Variants in PBRM1 observed in about 807,000 individuals in gnomAD.
The protein encoded by PBRM1 is polybromo 1.
In PBRM1, 27 loss-of-function variants were observed where a neutral mutation model predicts 194.5. The ratio of observed to expected loss-of-function variants is 0.14; its 90% CI spans 0.10 to 0.19. PBRM1 has a LOEUF of 0.19. Ranked by LOEUF, PBRM1 falls within the 10% of genes least tolerant of loss-of-function variation. The pLI is 1.00. For missense variants in PBRM1, 1,466 were observed against 2,077.2 expected (o/e 0.71, Z 5.72); for synonymous variants, 655 against 693.2 (o/e 0.94, Z 0.87).
chr3:52,670,335 A>G (rs2096921480), intron 2 of PBRM1, among the ~76,000 whole-genome samples: 2 of 152,228 alleles, frequency 1.3e-5, no homozygotes, highest in Non-Finnish European at 2.9e-5. Context: ...TAACAGTACT[A>G]ATTTTTTCTG....
At position 52,579,137 on chromosome 3, in the gene PBRM1, C is replaced by T. The variant is rs1308969843; in HGVS notation, c.3450G>A (p.Gln1150=). ...TCAGCCACATGTCATTGTAATGGAG[C>T]TGCTCAAAGTAGTGGCAACCTGGTT... The change falls in exon 21 of 30, where the codon CAG becomes CAA. Residue 1150 remains glutamine, a synonymous_variant. Coordinates refer to ENST00000296302, the Ensembl canonical transcript of PBRM1. 10 of 1,613,906 alleles carry T rather than the reference C, an allele frequency of 6.2e-6. No homozygotes were observed. In the South Asian group the frequency reaches 1.1e-4, roughly 18 times the overall value.
chr3:52,570,256 C>T (rs972266659), intron 22 of PBRM1, among the ~76,000 whole-genome samples: 1 of 152,212 alleles, frequency 6.6e-6, no homozygotes, highest in African/African-American at 2.4e-5. Flanking sequence ...GAATTACAGG[C>T]ATGAGCCATC....
chr3:52,629,803 C>T (rs1239090546), intron 11 of PBRM1, among the ~76,000 whole-genome samples: 2 of 152,156 alleles, frequency 1.3e-5, no homozygotes, highest in Non-Finnish European at 2.9e-5. Flanking sequence ...AGCATTTGCA[C>T]GTTAACCATC....
intron 2 of PBRM1, among the ~76,000 whole-genome samples, chr3:52,675,277 A>AC (rs1472747995): frequency 2.0e-5 from 3 of 152,224 alleles, no homozygotes; most frequent in African/African-American, 7.2e-5. Flanking sequence ...GATGAATTCT[A>AC]ACCAGACATT....
exon 26 of PBRM1, chr3:52,558,303 C>A: frequency 1.9e-6 from 3 of 1,549,704 alleles, no homozygotes; most frequent in Non-Finnish European, 2.6e-6. Context: ...GGTGGTGGCA[C>A]CACCCCCATG....
intron 22 of PBRM1, 59 bp from the exon 25 acceptor site, chr3:52,564,292 G>A: frequency 8.3e-7 from 1 of 1,210,998 alleles, no homozygotes; most frequent in Non-Finnish European, 1.2e-6. Context: ...GTTACTAACT[G>A]TTTTAACATT....
intron 20 of PBRM1, among the ~76,000 whole-genome samples, chr3:52,583,158 C>T (rs2091708681): frequency 6.9e-6 from 1 of 145,336 alleles, no homozygotes; most frequent in African/African-American, 2.6e-5. Context: ...ACCTGTAATA[C>T]TAGCACTTTG....
chr3:52,589,103 C>T (rs375687372), exon 18 of PBRM1: 529 of 1,613,592 alleles, frequency 3.3e-4, no homozygotes, highest in Non-Finnish European at 4.2e-4. Flanking sequence ...TCAATACAGA[C>T]GATATGTGGT....
chr3:52,595,670 C>G (rs1425836386), intron 17 of PBRM1, among the ~76,000 whole-genome samples: 2 of 152,110 alleles, frequency 1.3e-5, no homozygotes, highest in Non-Finnish European at 1.5e-5. Context: ...GGCTTTTTAA[C>G]TTGATGTAAT....
intron 20 of PBRM1, 63 bp downstream of exon 22, chr3:52,586,362 T>G: frequency 7.3e-7 from 1 of 1,371,856 alleles, no homozygotes; most frequent in Non-Finnish European, 1.0e-6. Flanking sequence ...CTTTATTCAT[T>G]TATTTTCTGG....
chr3:52,679,836 G>T, upstream of PBRM1: 3 of 726,784 alleles, frequency 4.1e-6, no homozygotes, highest in Non-Finnish European at 6.3e-6. Flanking sequence ...ATATTTTAAC[G>T]TGTTGTAGTT....
intron 17 of PBRM1, among the ~76,000 whole-genome samples, chr3:52,594,723 A>G (rs2093405162): frequency 6.6e-6 from 1 of 152,030 alleles, no homozygotes. Flanking sequence ...TTTCCTTTTC[A>G]TATTTAGTGC....
At chr3:52,632,515 G>C (rs886134037) in intron 11 of PBRM1, among the ~76,000 whole-genome samples, 1 of 152,102 alleles carries the variant, frequency 6.6e-6, no homozygotes, top group Admixed American at 6.6e-5. Context: ...CCAGAGGTTC[G>C]AGTTGATCAT....
At chr3:52,659,665 C>A (rs558289251) in intron 4 of PBRM1, among the ~76,000 whole-genome samples, 1 of 152,320 alleles carries the variant, frequency 6.6e-6, no homozygotes, top group Non-Finnish European at 1.5e-5. Context: ...TCAAGTGATC[C>A]TCCAGTCTCA....
chr3:52,610,760 G>A (rs1194616050), intron 15 of PBRM1, among the ~76,000 whole-genome samples: 10 of 152,132 alleles, frequency 6.6e-5, no homozygotes, highest in South Asian at 4.1e-4. Flanking sequence ...CCAACATGGC[G>A]AAACCCTGTG....
chr3:52,642,879 C>G (rs998660437), intron 9 of PBRM1, among the ~76,000 whole-genome samples: 1 of 151,634 alleles, frequency 6.6e-6, no homozygotes, highest in Non-Finnish European at 1.5e-5. Flanking sequence ...CTCCGCCTCC[C>G]GAGTTCAAGC....
At chr3:52,671,725 TA>T (rs2096953827) in intron 2 of PBRM1, among the ~76,000 whole-genome samples, 1 of 152,238 alleles carries the variant, frequency 6.6e-6, no homozygotes, top group Non-Finnish European at 1.5e-5. Flanking sequence ...CTATTATTGA[TA>T]AACCAACTCA....
At chr3:52,566,907 A>G (rs2085398616) in intron 22 of PBRM1, among the ~76,000 whole-genome samples, 1 of 152,122 alleles carries the variant, frequency 6.6e-6, no homozygotes, top group Admixed American at 6.5e-5. Flanking sequence ...CGTCTCTACT[A>G]AAAATACAAA....
At chr3:52,661,332 ATG>A (rs1284937161) in intron 4 of PBRM1, among the ~76,000 whole-genome samples, 2 of 152,150 alleles carry the variant, frequency 1.3e-5, no homozygotes, top group African/African-American at 4.8e-5. Flanking sequence ...GCCATGAAGC[ATG>A]TGTCTTTATT....
Sources: gnomAD v4.1 joint callset for allele counts (sites outside exome capture counted in the v4.1 genomes callset) on GRCh38, gnomAD v4.1.1 for gene constraint, MANE v1.5 for transcripts, NCBI Gene and HGNC (gene_info 2026-07-23, HGNC 2026-07-21) for gene names.